The following KDM2A variants were observed in gnomAD, a reference collection of about 807,000 sequenced individuals.
KDM2A encodes the protein lysine-specific demethylase 2A.
A neutral mutation model predicts 137.3 loss-of-function variants in KDM2A; 3 were observed. That is an observed-to-expected ratio of 0.02 (90% CI 0.01 to 0.06). The LOEUF is 0.06. Ranked by LOEUF, KDM2A falls within the 10% of genes least tolerant of loss-of-function variation. The probability of loss-of-function intolerance (pLI) is 1.00; values close to 1 mark genes in which losing one functional copy is unlikely to be tolerated. For synonymous variants in KDM2A, 512 were observed against 541.5 expected (o/e 0.95, Z 0.76); for missense variants, 738 against 1,510.6 (o/e 0.49, Z 8.48).
intron 17 of KDM2A, 119 bp from the exon 18 acceptor site, chr11:67,252,575 A>G (rs759377584): frequency 9.0e-7 from 1 of 1,112,684 alleles, no homozygotes; most frequent in Non-Finnish European, 1.3e-6. Context: ...TGATCCCTGT[A>G]CACTTGTAGA....
chr11:67,184,310 A>T (rs371900856), intron 5 of KDM2A, among the ~76,000 whole-genome samples: 3 of 151,812 alleles, frequency 2.0e-5, no homozygotes, highest in Non-Finnish European at 4.4e-5. Flanking sequence ...CCTGGCCAAC[A>T]TGGGGAAACT....
At chr11:67,188,602 G>A (rs1337195085) in intron 5 of KDM2A, among the ~76,000 whole-genome samples, 3 of 151,864 alleles carry the variant, frequency 2.0e-5, no homozygotes, top group African/African-American at 7.3e-5. Context: ...ACTACCCTGG[G>A]TAACGTGGTG....
rs1364857072 is a variant in KDM2A, at chr11:67,257,132, G to A, written c.*2077G>A. 5 of 152,240 alleles carry A rather than the reference G, an allele frequency of 3.3e-5. No individual in the cohort carries two copies. Among genetic ancestry groups the A allele is most frequent in the Admixed American group, 3.3e-4 (5 of 15,284 alleles). The allele number at this position is 152,240 out of a possible 1,614,324, so 9.4% of individuals were successfully genotyped here. Reference sequence around the variant, plus strand: ...GTCTTTTTATAAAAGGGGAGGTGGAGAGACCCCTTCAGAGCAGGGATTGTG... The same window carrying A: ...GTCTTTTTATAAAAGGGGAGGTGGAAAGACCCCTTCAGAGCAGGGATTGTG... On this transcript the variant is annotated 3_prime_UTR_variant, in exon 21 of 21. Coordinates refer to ENST00000529006, the MANE Select transcript of KDM2A (RefSeq NM_012308.3).
At position 67,178,676 on chromosome 11, in the gene KDM2A, G is replaced by A. The variant is rs527291471; in HGVS notation, c.43-1403G>A. Among the ~76,000 whole-genome samples the A allele has an allele frequency of 2.2e-3, 334 of 151,636 alleles. 3 individuals carry two copies. The highest frequency in any genetic ancestry group is 7.2e-3 in the African/African-American group (296 of 41,318). On this transcript the variant is annotated intron_variant, in intron 2 of 20. Transcript: ENST00000529006. ...TTATGACTGGCTTTTTTTTTATTTGGCATAATGTTTTCAGAGTTTATCTAT... is the reference window on the plus strand; with the variant it reads ...TTATGACTGGCTTTTTTTTTATTTGACATAATGTTTTCAGAGTTTATCTAT...
rs1055521406 is a variant in KDM2A at position 67,181,946 on chromosome 11, A to G, written c.307+54A>G. 6 of 1,448,132 alleles carry G rather than the reference A, an allele frequency of 4.1e-6. No individual in the cohort carries two copies. The Admixed American group carries it at 8.4e-5, about 20-fold the overall frequency. The allele number at this position is 1,448,132 out of a possible 1,614,324, so 89.7% of individuals were successfully genotyped here. ...TTAAGGCAAAGATTTAAGACTTAGG[A>G]CTGAATTAAATCTCTGACTGAGATT... On this transcript the variant is annotated intron_variant, in intron 5 of 20. Transcript: ENST00000529006.
intron 2 of KDM2A, among the ~76,000 whole-genome samples, chr11:67,139,638 C>G (rs1235727315): frequency 6.6e-6 from 1 of 152,070 alleles, no homozygotes; most frequent in African/African-American, 2.4e-5. Flanking sequence ...CTCAGCCTCT[C>G]AAAGTACTAG....
intron 2 of KDM2A, among the ~76,000 whole-genome samples, chr11:67,130,038 C>T (rs1176500076): frequency 6.6e-6 from 1 of 150,844 alleles, no homozygotes; most frequent in Admixed American, 6.6e-5. Flanking sequence ...TCTCTGCTCA[C>T]TGCAACCTCC....
intron 10 of KDM2A, among the ~76,000 whole-genome samples, chr11:67,220,232 G>A (rs972898416): frequency 2.0e-5 from 3 of 151,946 alleles, no homozygotes; most frequent in African/African-American, 7.3e-5. Flanking sequence ...GGCTTGTCTT[G>A]AACTCCTGGG....
chr11:67,251,416 T>TG (rs1565427040), intron 17 of KDM2A, among the ~76,000 whole-genome samples: 1 of 152,274 alleles, frequency 6.6e-6, no homozygotes, highest in African/African-American at 2.4e-5. Flanking sequence ...GACAGACACT[T>TG]GGGGGAAAAA....
At position 67,147,976 on chromosome 11, in the gene KDM2A, C is replaced by A. The variant is rs1430331806; in HGVS notation, c.42+26618C>A. 2.0e-5 allele frequency among the ~76,000 whole-genome samples: 3 copies of A among 152,052 alleles called. No individual in the cohort carries two copies. In the South Asian group the frequency reaches 6.2e-4, roughly 32 times the overall value. On this transcript the variant is annotated intron_variant, in intron 2 of 20. Coordinates refer to ENST00000529006, the MANE Select transcript of KDM2A (RefSeq NM_012308.3). ...ATAGGTGTGAGCTGCCACGCCCGGC[C>A]CTCATTAGAGAGTCTTATAGCAAAT...
chr11:67,157,451 T>C (rs1470718321), intron 2 of KDM2A, among the ~76,000 whole-genome samples: 1 of 151,628 alleles, frequency 6.6e-6, no homozygotes, highest in African/African-American at 2.4e-5. Context: ...GTTTCTCTTA[T>C]TAACATCTTG....
intron 10 of KDM2A, among the ~76,000 whole-genome samples, chr11:67,224,141 G>A (rs1649856612): frequency 6.6e-6 from 1 of 152,176 alleles, no homozygotes; most frequent in Non-Finnish European, 1.5e-5. Context: ...TTTTTGAAAA[G>A]GGACTCCTAT....
chr11:67,244,668 A>T (rs1320245439), intron 13 of KDM2A, among the ~76,000 whole-genome samples: 1 of 152,212 alleles, frequency 6.6e-6, no homozygotes, highest in African/African-American at 2.4e-5. Context: ...ACAATTTCTC[A>T]GTTCTACCAT....
At chr11:67,199,017 G>T (rs776578039) in intron 5 of KDM2A, among the ~76,000 whole-genome samples, 1 of 152,044 alleles carries the variant, frequency 6.6e-6, no homozygotes, top group African/African-American at 2.4e-5. Context: ...GACCTCAAGT[G>T]ATTCACCCGC....
At chr11:67,149,715 T>C (rs1449996947) in intron 2 of KDM2A, among the ~76,000 whole-genome samples, 1 of 151,616 alleles carries the variant, frequency 6.6e-6, no homozygotes, top group Non-Finnish European at 1.5e-5. Flanking sequence ...TTACTAGGTA[T>C]TAGAATCTTT....
At chr11:67,195,369 CAAAAAAAAAAA>C (rs34494813) in intron 5 of KDM2A, among the ~76,000 whole-genome samples, 20 of 65,230 alleles carry the variant, frequency 3.1e-4, no homozygotes, top group Middle Eastern at 0.013. Flanking sequence ...ACTCCGTCTC[CAAAAAAAAAAA>C]AAAAAAAAAA....
At chr11:67,195,969 T>C in intron 5 of KDM2A, 1 of 445,060 alleles carries the variant, frequency 2.2e-6, no homozygotes, top group Non-Finnish European at 4.5e-6. Context: ...TTCTATCAAC[T>C]CAAGATGTTG....
At chr11:67,248,612 C>CT in intron 16 of KDM2A, 1 of 446,088 alleles carries the variant, frequency 2.2e-6, no homozygotes, top group East Asian at 4.3e-5. Flanking sequence ...TCCTAAGGTC[C>CT]TTTTATACTC....
At chr11:67,169,129 T>C (rs1194847253) in intron 2 of KDM2A, among the ~76,000 whole-genome samples, 1 of 151,758 alleles carries the variant, frequency 6.6e-6, no homozygotes, top group Non-Finnish European at 1.5e-5. Flanking sequence ...CCAATTTTTG[T>C]ATTTTTAGTA....
Sources: gnomAD v4.1 joint callset for allele counts (sites outside exome capture counted in the v4.1 genomes callset) on GRCh38, gnomAD v4.1.1 for gene constraint, MANE v1.5 for transcripts, NCBI Gene and HGNC (gene_info 2026-07-23, HGNC 2026-07-21) for gene names.